CNTN5: variants seen among roughly 807,000 people sequenced by gnomAD.
CNTN5 encodes contactin 5.
CNTN5 carries 77 observed loss-of-function variants against 129.1 expected under a neutral mutation model. The observed-to-expected ratio is 0.60, with a 90% CI of 0.50 to 0.72. The LOEUF is 0.72. Ranked by LOEUF, CNTN5 falls within the 30% of genes least tolerant of loss-of-function variation. The pLI is 0.00. For synonymous variants in CNTN5, 509 were observed against 465.6 expected (o/e 1.09, Z -1.20); for missense variants, 1,478 against 1,328.8 (o/e 1.11, Z -1.75).
chr11:99,780,871 A>G (rs1945287411), intron 3 of CNTN5, among the ~76,000 whole-genome samples: 1 of 152,034 alleles, frequency 6.6e-6, no homozygotes, highest in Non-Finnish European at 1.5e-5. Flanking sequence ...AGTGGGAGAA[A>G]ATGAGAGAGA....
At chr11:99,139,163 A>G (rs1859391260) in intron 1 of CNTN5, among the ~76,000 whole-genome samples, 1 of 141,340 alleles carries the variant, frequency 7.1e-6, no homozygotes. Flanking sequence ...GCTACTCAGG[A>G]GGCTGAGGTG....
chr11:99,490,779 G>A (rs1479404926), intron 2 of CNTN5, among the ~76,000 whole-genome samples: 1 of 152,078 alleles, frequency 6.6e-6, no homozygotes, highest in East Asian at 1.9e-4. Flanking sequence ...GTTTATCCAT[G>A]GTTTCCTATC....
At chr11:99,808,915 C>T (rs1946349716) in intron 3 of CNTN5, among the ~76,000 whole-genome samples, 1 of 152,090 alleles carries the variant, frequency 6.6e-6, no homozygotes, top group African/African-American at 2.4e-5. Context: ...ACTGGAAAGA[C>T]AGTAACGGAC....
At chr11:100,129,925 A>T (rs962494900) in intron 13 of CNTN5, among the ~76,000 whole-genome samples, 11 of 149,112 alleles carry the variant, frequency 7.4e-5, no homozygotes, top group Admixed American at 6.6e-4. Context: ...TAGTCGTGGT[A>T]AAAAAAATCA....
intron 6 of CNTN5, among the ~76,000 whole-genome samples, chr11:99,853,703 G>A (rs1221157716): frequency 2.0e-5 from 3 of 151,974 alleles, no homozygotes; most frequent in Non-Finnish European, 2.9e-5. Flanking sequence ...AAAATAACAT[G>A]GTAATAGTAA....
rs183930818 is a variant in CNTN5 at position 99,179,360 on chromosome 11, C to T, written c.-209-145986C>T. ...GAGAGTTTGAGGCAGGAGAATTGCT[C>T]GAACCTGGGAGGCAGAGGTTACAGT... is the stretch of plus-strand genomic sequence containing the variant. On this transcript the variant is annotated intron_variant, in intron 1 of 24. Coordinates refer to ENST00000524871, the MANE Select transcript of CNTN5 (RefSeq NM_014361.4). Among the ~76,000 whole-genome samples the T allele has an allele frequency of 2.3e-3, 354 of 151,918 alleles. 1 individual carries two copies. The highest frequency in any genetic ancestry group is 8.2e-3 in the African/African-American group (338 of 41,458).
chr11:99,423,048 C>T (rs1014621612), intron 2 of CNTN5, among the ~76,000 whole-genome samples: 1 of 152,104 alleles, frequency 6.6e-6, no homozygotes. Context: ...TAAGAGACTG[C>T]AGGTACAGCA....
intron 21 of CNTN5, among the ~76,000 whole-genome samples, chr11:100,318,241 A>AG (rs140783238): frequency 5.3e-5 from 6 of 113,014 alleles, no homozygotes; most frequent in Admixed American, 1.0e-4. Flanking sequence ...ACTCTGTCTC[A>AG]GAAAAAAAAA....
chr11:99,496,582 C>G (rs1404888004), intron 2 of CNTN5, among the ~76,000 whole-genome samples: 1 of 152,178 alleles, frequency 6.6e-6, no homozygotes, highest in Non-Finnish European at 1.5e-5. Flanking sequence ...AAGGCATACA[C>G]ATAATTCCCA....
chr11:99,828,486 A>G (rs575656322), intron 4 of CNTN5, among the ~76,000 whole-genome samples: 5 of 152,342 alleles, frequency 3.3e-5, no homozygotes, highest in African/African-American at 4.8e-5. Context: ...AATTGCAACA[A>G]TAATGGCCTA....
chr11:99,892,436 C>T (rs1949087191), intron 6 of CNTN5, among the ~76,000 whole-genome samples: 1 of 152,238 alleles, frequency 6.6e-6, no homozygotes, highest in South Asian at 2.1e-4. Context: ...CCTAGGTTTT[C>T]TTGAAGGATT....
At chr11:99,737,161 ACGCACACG>A (rs1164448487) in intron 3 of CNTN5, among the ~76,000 whole-genome samples, 1 of 151,616 alleles carries the variant, frequency 6.6e-6, no homozygotes, top group Non-Finnish European at 1.5e-5. Context: ...ACACACACAC[ACGCACACG>A]CACACACAGT....
At chr11:99,796,779 C>T (rs1326040771) in intron 3 of CNTN5, among the ~76,000 whole-genome samples, 1 of 152,092 alleles carries the variant, frequency 6.6e-6, no homozygotes, top group African/African-American at 2.4e-5. Context: ...CCTGGCTGAG[C>T]TTCACTGCAG....
chr11:100,237,984 A>G (rs1949656305), intron 16 of CNTN5, among the ~76,000 whole-genome samples: 1 of 152,234 alleles, frequency 6.6e-6, no homozygotes, highest in African/African-American at 2.4e-5. Flanking sequence ...TTCATTATGA[A>G]AGAAACCTCT....
intron 2 of CNTN5, among the ~76,000 whole-genome samples, chr11:99,461,055 T>C (rs905944910): frequency 5.3e-5 from 8 of 152,068 alleles, no homozygotes; most frequent in African/African-American, 1.9e-4. Flanking sequence ...AGCAATAAAG[T>C]TGATGCCCTC....
Position 100,271,112 on chromosome 11 carries a change from G to C in CNTN5, c.2185G>C (p.Asp729His), listed in dbSNP as rs776085356. 1 of 1,610,256 alleles carries C rather than the reference G, an allele frequency of 6.2e-7. No individual in the cohort carries two copies. The highest frequency in any genetic ancestry group is 8.5e-7 in the Non-Finnish European group (1 of 1,178,624). ...VKTVPEIITG[D>H]MESAMAVDLN... ...TATAGTCCCAGAAATCATAACAGGG[G>C]ACATGGAGTCAGCCATGGCTGTGGA... Residue 729 changes from aspartate (D) to histidine (H), a missense_variant, in exon 18 of 25, where the codon GAC (aspartate) becomes CAC (histidine). By Grantham distance (81) the Asp-to-His change is moderately conservative. Coordinates refer to ENST00000524871, the MANE Select transcript of CNTN5 (RefSeq NM_014361.4).
At chr11:99,993,085 T>A (rs1423541433) in intron 8 of CNTN5, among the ~76,000 whole-genome samples, 1 of 152,204 alleles carries the variant, frequency 6.6e-6, no homozygotes, top group African/African-American at 2.4e-5. Flanking sequence ...CCTTTCAGCA[T>A]CAAACTCTGC....
intron 3 of CNTN5, among the ~76,000 whole-genome samples, chr11:99,677,146 C>A (rs1953322895): frequency 6.6e-6 from 1 of 152,070 alleles, no homozygotes; most frequent in African/African-American, 2.4e-5. Flanking sequence ...TGATACTAAT[C>A]CACCAGAAGT....
At chr11:99,720,965 G>A (rs565653840) in intron 3 of CNTN5, among the ~76,000 whole-genome samples, 2 of 151,736 alleles carry the variant, frequency 1.3e-5, no homozygotes, top group South Asian at 2.1e-4. Flanking sequence ...TCTACAACGA[G>A]AATTAAAATA....
Sources: allele counts gnomAD v4.1 joint callset (sites outside exome capture counted in the v4.1 genomes callset), GRCh38; gene constraint gnomAD v4.1.1; transcripts MANE v1.5; gene names NCBI Gene and HGNC (gene_info 2026-07-23, HGNC 2026-07-21).